CACNA2D4: variants seen among roughly 807,000 people sequenced by gnomAD.
CACNA2D4 encodes voltage-dependent calcium channel subunit alpha-2/delta-4.
In CACNA2D4, 157 loss-of-function variants were observed where a neutral mutation model predicts 163.8. That is an observed-to-expected ratio of 0.96 (90% CI 0.84 to 1.09). The LOEUF (loss-of-function observed/expected upper bound fraction) is 1.09. Among genes scored for constraint, CACNA2D4 ranks in the 50% least tolerant of loss-of-function variants. The pLI is 0.00. For synonymous variants in CACNA2D4, 598 were observed against 586.9 expected, an observed-to-expected ratio of 1.02 and a Z score of -0.27; for missense variants, 1,410 against 1,479.9, an observed-to-expected ratio of 0.95 and a Z score of 0.78.
intron 23 of CACNA2D4, among the ~76,000 whole-genome samples, chr12:1,849,036 C>T (rs1252476499): frequency 2.6e-5 from 4 of 152,156 alleles, no homozygotes; most frequent in Non-Finnish European, 5.9e-5. Flanking sequence ...CTTCCTCATA[C>T]GACAAGATGT....
chr12:1,865,705 C>T (rs879902034), intron 18 of CACNA2D4, among the ~76,000 whole-genome samples: 7 of 152,200 alleles, frequency 4.6e-5, no homozygotes, highest in Non-Finnish European at 8.8e-5. Context: ...CAGATGCAGC[C>T]CGGGCGGCAG....
chr12:1,824,956 AG>A (rs1239860321), intron 26 of CACNA2D4, among the ~76,000 whole-genome samples: 2 of 152,248 alleles, frequency 1.3e-5, no homozygotes, highest in Non-Finnish European at 2.9e-5. Context: ...CAAGGGACCC[AG>A]GGAGGCAGGA....
chr12:1,917,264 C>A lies in CACNA2D4; in HGVS notation c.227+983G>T, dbSNP rs1326521043. Among the ~76,000 whole-genome samples, 1 of 152,190 alleles carries A rather than the reference C, an allele frequency of 6.6e-6. No homozygotes were observed. The highest frequency in any genetic ancestry group is 6.5e-5 in the Admixed American group (1 of 15,284). ...GAATGGCTCTGCAAACTAACGGTGT[C>A]ATTTGTGAAGCGCCCAGCTCCGTGC... On this transcript the variant is annotated intron_variant, in intron 1 of 37. Coordinates refer to ENST00000382722, the MANE Select transcript of CACNA2D4 (RefSeq NM_172364.5). The surrounding 1 kb of genome is among the most constrained non-coding windows in gnomAD (Gnocchi z 4.3).
intron 18 of CACNA2D4, among the ~76,000 whole-genome samples, chr12:1,873,303 C>T (rs1043548177): frequency 1.3e-5 from 2 of 152,122 alleles, no homozygotes; most frequent in Non-Finnish European, 1.5e-5. Flanking sequence ...GAAGCCTTTG[C>T]GAAATTGCAA....
At position 1,878,289 on chromosome 12, in the gene CACNA2D4, C is replaced by T. The variant is rs760429682; in HGVS notation, c.1719+26G>A. The T allele has an allele frequency of 1.7e-5, 27 of 1,597,880 alleles. No homozygotes were observed. The African/African-American group carries it at 3.3e-4, about 20-fold the overall frequency. On this transcript the variant is annotated intron_variant, in intron 16 of 37. Coordinates refer to ENST00000382722, the MANE Select transcript of CACNA2D4 (RefSeq NM_172364.5). This position sits in a 1 kb window ranked among gnomAD's most constrained non-coding sequence, Gnocchi z 4.6. ...CCCCAAATCCCATACAGTAAGGATC[C>T]CAAGGCAAAGAAGATCTGTACCTAC...
chr12:1,838,929 C>T (rs1394907940), intron 26 of CACNA2D4, among the ~76,000 whole-genome samples: 1 of 152,186 alleles, frequency 6.6e-6, no homozygotes, highest in Non-Finnish European at 1.5e-5. Flanking sequence ...AGCACGGCAG[C>T]CAGGCGGGCA....
In CACNA2D4 at chr12:1,802,578, G is replaced by A. The variant is rs1031808675; in HGVS notation, c.2722-934C>T. Among the ~76,000 whole-genome samples the A allele has an allele frequency of 3.9e-5, 6 of 152,216 alleles. No individual in the cohort carries two copies. The highest frequency in any genetic ancestry group is 8.8e-5 in the Non-Finnish European group (6 of 68,044). On this transcript the variant is annotated intron_variant, in intron 29 of 37. Transcript: ENST00000382722. The surrounding 1 kb of genome is among the most constrained non-coding windows in gnomAD (Gnocchi z 4.7). Reference sequence around the variant, plus strand: ...TGCCATTTCCCAGCATGTCAGGGTGGCAGAGCTTGGGCTTTGGTGTTGGAT... The same window carrying A: ...TGCCATTTCCCAGCATGTCAGGGTGACAGAGCTTGGGCTTTGGTGTTGGAT...
chr12:1,844,849 C>T lies in CACNA2D4; in HGVS notation c.2343-320G>A, dbSNP rs1403967832. Among the ~76,000 whole-genome samples the T allele has an allele frequency of 2.6e-5, 4 of 152,126 alleles. No individual in the cohort carries two copies. The East Asian group carries it at 7.7e-4, about 29-fold the overall frequency. On this transcript the variant is annotated intron_variant, in intron 24 of 37. Coordinates refer to ENST00000382722, the MANE Select transcript of CACNA2D4 (RefSeq NM_172364.5). This position sits in a 1 kb window ranked among gnomAD's most constrained non-coding sequence, Gnocchi z 4.2. ...AATTTCTTCTTGTCTGGCTCGTTGGCACGTCTGAGGGAGGAAGCTGTAGTC... is the reference window on the plus strand; with the variant it reads ...AATTTCTTCTTGTCTGGCTCGTTGGTACGTCTGAGGGAGGAAGCTGTAGTC...
In CACNA2D4 at chr12:1,917,747, T is replaced by G. The variant is rs183869472; in HGVS notation, c.227+500A>C. ...GACTGCGGCCACCAAAATCCATTTT[T>G]TTCCCCAGTTCCTGGACAAGCCACC... is the stretch of plus-strand genomic sequence containing the variant. On this transcript the variant is annotated intron_variant, in intron 1 of 37. Coordinates refer to ENST00000382722, the MANE Select transcript of CACNA2D4 (RefSeq NM_172364.5). The surrounding 1 kb of genome is among the most constrained non-coding windows in gnomAD (Gnocchi z 4.3). Among the ~76,000 whole-genome samples, 1 of 152,198 alleles carries G rather than the reference T, an allele frequency of 6.6e-6. No homozygotes were observed. The highest frequency in any genetic ancestry group is 2.1e-4 in the South Asian group (1 of 4,830).
intron 26 of CACNA2D4, among the ~76,000 whole-genome samples, chr12:1,816,834 A>G (rs1863891744): frequency 2.0e-5 from 3 of 152,182 alleles, no homozygotes; most frequent in African/African-American, 7.2e-5. Flanking sequence ...ACACATACCC[A>G]TGCACGCACA....
chr12:1,856,819 G>T (rs1198448392), intron 20 of CACNA2D4, among the ~76,000 whole-genome samples: 1 of 152,200 alleles, frequency 6.6e-6, no homozygotes, highest in Non-Finnish European at 1.5e-5. Flanking sequence ...CACCTACTCA[G>T]AGCTAAGAAA....
At chr12:1,861,815 A>G (rs553159040) in intron 18 of CACNA2D4, among the ~76,000 whole-genome samples, 1 of 152,218 alleles carries the variant, frequency 6.6e-6, no homozygotes, top group East Asian at 1.9e-4. Flanking sequence ...GCTTCGATAC[A>G]TGTATCCAGC....
chr12:1,868,260 G>C (rs1865696611), intron 18 of CACNA2D4, among the ~76,000 whole-genome samples: 1 of 152,062 alleles, frequency 6.6e-6, no homozygotes. Flanking sequence ...TAAATACAGA[G>C]GAATATTATT....
chr12:1,908,318 C>A (rs1866717934), intron 4 of CACNA2D4, among the ~76,000 whole-genome samples: 1 of 152,192 alleles, frequency 6.6e-6, no homozygotes, highest in Non-Finnish European at 1.5e-5. Flanking sequence ...TTGACACGGC[C>A]GAGGCAGAGT....
rs898396221 is a variant in CACNA2D4, at chr12:1,802,212, C to T, written c.2722-568G>A. Among the ~76,000 whole-genome samples, 4 of 151,998 alleles carry T rather than the reference C, an allele frequency of 2.6e-5. No homozygotes were observed. The highest frequency in any genetic ancestry group is 5.9e-5 in the Non-Finnish European group (4 of 67,992). On this transcript the variant is annotated intron_variant, in intron 29 of 37. Transcript: ENST00000382722. The surrounding 1 kb of genome is among the most constrained non-coding windows in gnomAD (Gnocchi z 4.7). Reference sequence around the variant, plus strand: ...CCCACAATCAGTGTGCCCTGTGGATCGGTCATTTGTCCCCTCCATGACAAT... The same window carrying T: ...CCCACAATCAGTGTGCCCTGTGGATTGGTCATTTGTCCCCTCCATGACAAT...
chr12:1,831,029 C>T, intron 26 of CACNA2D4: 3 of 1,614,118 alleles, frequency 1.9e-6, no homozygotes, highest in Non-Finnish European at 1.7e-6. Flanking sequence ...AGGTGGACTG[C>T]AGTGGCCTTG....
chr12:1,845,733 C>A (rs1565707527), intron 24 of CACNA2D4, among the ~76,000 whole-genome samples: 1 of 152,190 alleles, frequency 6.6e-6, no homozygotes, highest in Non-Finnish European at 1.5e-5. Flanking sequence ...GTGGGCCAGC[C>A]CCTGATTCCC....
At chr12:1,892,690 T>C (rs1246003477) in intron 6 of CACNA2D4, among the ~76,000 whole-genome samples, 2 of 152,026 alleles carry the variant, frequency 1.3e-5, no homozygotes, top group East Asian at 1.9e-4. Context: ...TTAAAAGGTA[T>C]AGATTAGCTG....
chr12:1,887,164 G>C, intron 6 of CACNA2D4, 95 bp from the exon 7 acceptor site: 1 of 797,038 alleles, frequency 1.3e-6, no homozygotes, highest in East Asian at 2.7e-5. Flanking sequence ...ATGATCCCCA[G>C]GGCAGAACAG....
Sources: allele counts gnomAD v4.1 joint callset (sites outside exome capture counted in the v4.1 genomes callset), GRCh38; gene constraint gnomAD v4.1.1; non-coding constraint Gnocchi (gnomAD v3.1); transcripts MANE v1.5; gene names NCBI Gene and HGNC (gene_info 2026-07-23, HGNC 2026-07-21).